TRAPPC9: variants seen among roughly 807,000 people sequenced by gnomAD.
TRAPPC9 encodes the protein trafficking protein particle complex subunit 9.
Under a neutral mutation model 124.0 loss-of-function variants are expected in TRAPPC9, and 83 were observed. The ratio of observed to expected loss-of-function variants is 0.67; its 90% CI spans 0.56 to 0.80. TRAPPC9 has a LOEUF of 0.80. Ranked by LOEUF, TRAPPC9 falls within the 30% of genes least tolerant of loss-of-function variation. The probability of loss-of-function intolerance (pLI) is 0.00; values close to 1 mark genes in which losing one functional copy is unlikely to be tolerated. For missense variants in TRAPPC9, 1,302 were observed against 1,508.3 expected (o/e 0.86, Z 2.27); for synonymous variants, 638 against 617.5 (o/e 1.03, Z -0.49).
chr8:140,243,137 G>A (rs60619487), intron 16 of TRAPPC9, among the ~76,000 whole-genome samples: 32,917 of 152,076 alleles, frequency 0.22, 4,943 homozygotes, highest in East Asian at 0.77. Flanking sequence ...TGGGTGGGCC[G>A]AGGAATCTGC....
chr8:139,773,576 T>C (rs1354480797), intron 21 of TRAPPC9, among the ~76,000 whole-genome samples: 3 of 152,130 alleles, frequency 2.0e-5, no homozygotes, highest in African/African-American at 4.8e-5. Flanking sequence ...AGCTGCTTCC[T>C]GCTCACCACA....
rs1277255014 is a variant in TRAPPC9 at position 139,727,837 on chromosome 8, T to C, written c.*3224A>G. Among the ~76,000 whole-genome samples the C allele has an allele frequency of 6.6e-6, 1 of 152,180 alleles. No individual in the cohort carries two copies. The highest frequency in any genetic ancestry group is 1.5e-5 in the Non-Finnish European group (1 of 68,028). On this transcript the variant is annotated 3_prime_UTR_variant, in exon 23 of 23. Coordinates refer to ENST00000438773, the MANE Select transcript of TRAPPC9 (RefSeq NM_001160372.4). ...ACATGCTTCATGTTACCTAATACATTAAGCCATGCAGGGGACTAACGGAGC... is the reference window on the plus strand; with the variant it reads ...ACATGCTTCATGTTACCTAATACATCAAGCCATGCAGGGGACTAACGGAGC...
intron 21 of TRAPPC9, among the ~76,000 whole-genome samples, chr8:139,768,946 C>G (rs1820765612): frequency 6.6e-6 from 1 of 152,178 alleles, no homozygotes; most frequent in Non-Finnish European, 1.5e-5. Flanking sequence ...CAGACACACA[C>G]AGAGGGAAGA....
chr8:139,754,554 G>T (rs918160996), intron 21 of TRAPPC9, among the ~76,000 whole-genome samples: 1 of 152,166 alleles, frequency 6.6e-6, no homozygotes, highest in African/African-American at 2.4e-5. Flanking sequence ...TCCACACAGG[G>T]TATCAAGGCT....
At chr8:140,051,321 T>A (rs1341175037) in intron 17 of TRAPPC9, among the ~76,000 whole-genome samples, 1 of 152,230 alleles carries the variant, frequency 6.6e-6, no homozygotes, top group East Asian at 1.9e-4. Context: ...CACACTGGGA[T>A]CTGAACCCCG....
At chr8:140,299,442 A>C (rs2065903303) in intron 11 of TRAPPC9, among the ~76,000 whole-genome samples, 1 of 152,242 alleles carries the variant, frequency 6.6e-6, no homozygotes, top group African/African-American at 2.4e-5. Flanking sequence ...TTGGAGGTAC[A>C]GGAATTAAGA....
intron 15 of TRAPPC9, among the ~76,000 whole-genome samples, chr8:140,272,116 A>AATGATGATGGTGGCGATGGTG (rs1554657918): frequency 5.0e-5 from 6 of 120,118 alleles, no homozygotes; most frequent in Admixed American, 1.6e-4. Context: ...TGGTGGTGGC[A>AATGATGATGGTGGCGATGGTG]ATGGTGATGG....
At chr8:140,033,905 C>A (rs1355988908) in intron 17 of TRAPPC9, among the ~76,000 whole-genome samples, 2 of 152,036 alleles carry the variant, frequency 1.3e-5, no homozygotes, top group African/African-American at 4.8e-5. Flanking sequence ...TGGTCTTGAA[C>A]TCCCGACCTC....
At chr8:140,448,858 A>G (rs144402257) in intron 2 of TRAPPC9, among the ~76,000 whole-genome samples, 1 of 152,324 alleles carries the variant, frequency 6.6e-6, no homozygotes, top group Non-Finnish European at 1.5e-5. Context: ...TGCTTATATC[A>G]GCTCTGCTGC....
chr8:139,825,618 A>C lies in TRAPPC9; in HGVS notation c.3055+60261T>G, dbSNP rs1352671704. Among the ~76,000 whole-genome samples, 2 of 152,192 alleles carry C rather than the reference A, an allele frequency of 1.3e-5. No homozygotes were observed. Among genetic ancestry groups the C allele is most frequent in the Non-Finnish European group, 2.9e-5 (2 of 68,022 alleles). ...TAATTTCCATAGTAAGTTCTGAGAAAAAAGTCACTTCCACCCGGGGGAAAT... is the reference window on the plus strand; with the variant it reads ...TAATTTCCATAGTAAGTTCTGAGAACAAAGTCACTTCCACCCGGGGGAAAT... On this transcript the variant is annotated intron_variant, in intron 21 of 22. Coordinates refer to ENST00000438773, the MANE Select transcript of TRAPPC9 (RefSeq NM_001160372.4). The surrounding 1 kb of genome is among the most constrained non-coding windows in gnomAD (Gnocchi z 4.6).
intron 21 of TRAPPC9, among the ~76,000 whole-genome samples, chr8:139,773,720 A>G (rs899228352): frequency 9.2e-5 from 14 of 151,980 alleles, no homozygotes; most frequent in Non-Finnish European, 1.9e-4. Flanking sequence ...CCCATCAGCC[A>G]CCTCTGTAGT....
chr8:140,197,763 G>T (rs1009130821), intron 17 of TRAPPC9, among the ~76,000 whole-genome samples: 5 of 151,872 alleles, frequency 3.3e-5, no homozygotes, highest in Non-Finnish European at 5.9e-5. Context: ...CAGAACAAAA[G>T]AAAACAACGC....
chr8:139,883,378 G>A (rs1026433138), intron 21 of TRAPPC9, among the ~76,000 whole-genome samples: 2 of 152,206 alleles, frequency 1.3e-5, no homozygotes, highest in East Asian at 3.9e-4. Flanking sequence ...AACAGAAAAT[G>A]AACTAGTACA....
At chr8:140,133,231 T>C (rs1250317174) in intron 17 of TRAPPC9, among the ~76,000 whole-genome samples, 4 of 152,182 alleles carry the variant, frequency 2.6e-5, no homozygotes, top group African/African-American at 9.7e-5. Flanking sequence ...GGGGATTTAT[T>C]CCTAGAACGT....
intron 18 of TRAPPC9, among the ~76,000 whole-genome samples, chr8:139,993,467 G>A (rs1361075458): frequency 6.6e-6 from 1 of 152,204 alleles, no homozygotes; most frequent in African/African-American, 2.4e-5. Flanking sequence ...GTCACTGCTG[G>A]TAGGGATACA....
chr8:139,997,336 C>G (rs1160108001), intron 18 of TRAPPC9, among the ~76,000 whole-genome samples: 1 of 150,556 alleles, frequency 6.6e-6, no homozygotes, highest in Non-Finnish European at 1.5e-5. Context: ...ACATCCTACA[C>G]AGGGCAGACA....
At chr8:140,277,858 C>T (rs1481478729) in intron 14 of TRAPPC9, among the ~76,000 whole-genome samples, 1 of 152,190 alleles carries the variant, frequency 6.6e-6, no homozygotes, top group Non-Finnish European at 1.5e-5. Flanking sequence ...GGACTATGGG[C>T]AAACTGTGGG....
chr8:139,737,456 T>G (rs1314998055), intron 21 of TRAPPC9, among the ~76,000 whole-genome samples: 17 of 58,362 alleles, frequency 2.9e-4, no homozygotes, highest in Middle Eastern at 0.01. Context: ...CAGGCGGGGG[T>G]CATCAGCCCT....
chr8:140,348,407 C>T (rs1332008412), intron 9 of TRAPPC9, among the ~76,000 whole-genome samples: 5 of 152,152 alleles, frequency 3.3e-5, no homozygotes, highest in African/African-American at 9.7e-5. Flanking sequence ...AGTAAGGCAG[C>T]GTTCTGCACA....
Sources: gnomAD v4.1 joint callset for allele counts (sites outside exome capture counted in the v4.1 genomes callset) on GRCh38, gnomAD v4.1.1 for gene constraint, Gnocchi (gnomAD v3.1) non-coding constraint, MANE v1.5 for transcripts, NCBI Gene and HGNC (gene_info 2026-07-23, HGNC 2026-07-21) for gene names.